The following EPHA4 variants were observed in gnomAD, a reference collection of about 807,000 sequenced individuals.
EPHA4 encodes the protein EPH receptor A4.
A neutral mutation model predicts 108.3 loss-of-function variants in EPHA4; 19 were observed. The observed-to-expected ratio is 0.18, with a 90% CI of 0.12 to 0.26. EPHA4 has a LOEUF of 0.26. EPHA4 is among the 10% of genes least tolerant of loss of function. The pLI is 1.00. For synonymous variants in EPHA4, 449 were observed against 455.5 expected (o/e 0.99, Z 0.18); for missense variants, 917 against 1,254.0 (o/e 0.73, Z 4.06).
chr2:221,523,137 T>TA (rs1289783831), intron 3 of EPHA4, among the ~76,000 whole-genome samples: 1 of 152,006 alleles, frequency 6.6e-6, no homozygotes, highest in Non-Finnish European at 1.5e-5. Flanking sequence ...CTTCCTCACT[T>TA]ACAAAAGAGA....
intron 6 of EPHA4, among the ~76,000 whole-genome samples, chr2:221,457,465 T>A (rs1394047528): frequency 5.9e-5 from 9 of 152,240 alleles, no homozygotes; most frequent in Non-Finnish European, 1.2e-4. Context: ...TTTCAACTGT[T>A]ATGAGTCACT....
intron 3 of EPHA4, among the ~76,000 whole-genome samples, chr2:221,561,428 A>C (rs1159645232): frequency 6.6e-6 from 1 of 152,276 alleles, no homozygotes; most frequent in Non-Finnish European, 1.5e-5. Flanking sequence ...TTAGCAGAAA[A>C]AAAAGCAAAA....
chr2:221,466,382 T>A (rs1691314674), intron 5 of EPHA4, among the ~76,000 whole-genome samples: 1 of 152,220 alleles, frequency 6.6e-6, no homozygotes, highest in Non-Finnish European at 1.5e-5. Context: ...GCAAATCAGA[T>A]GCCAGTAAAC....
At position 221,445,070 on chromosome 2, in the gene EPHA4, A is replaced by G. The variant is rs1387170220; in HGVS notation, c.1774+1053T>C. On this transcript the variant is annotated intron_variant, in intron 9 of 17. Coordinates refer to ENST00000281821, the MANE Select transcript of EPHA4 (RefSeq NM_004438.5). ...ACTGTGCCCGGCCAATCTTTCTTCT[A>G]TCTTTCTGCACTAATATGTGAGTGA... 2.0e-5 allele frequency among the ~76,000 whole-genome samples: 3 copies of G among 152,114 alleles called. No individual in the cohort carries two copies. The East Asian group carries it at 5.8e-4, about 29-fold the overall frequency.
intron 4 of EPHA4, among the ~76,000 whole-genome samples, chr2:221,483,197 G>A (rs777698874): frequency 2.6e-5 from 4 of 152,280 alleles, no homozygotes; most frequent in East Asian, 3.9e-4. Context: ...ACATGGCAGC[G>A]GAGGGTTAAG....
At chr2:221,560,397 G>A (rs769824884) in intron 3 of EPHA4, among the ~76,000 whole-genome samples, 2 of 151,942 alleles carry the variant, frequency 1.3e-5, no homozygotes, top group Non-Finnish European at 2.9e-5. Context: ...TCGTTCAAAG[G>A]AAGTTTCTCT....
At chr2:221,460,419 T>C (rs919503) in intron 5 of EPHA4, among the ~76,000 whole-genome samples, 29,003 of 152,162 alleles carry the variant, frequency 0.19, 3,459 homozygotes, top group Non-Finnish European at 0.26. Context: ...TCACAAAAAG[T>C]ATTGTGTTGT....
At chr2:221,557,296 A>C (rs1438561595) in intron 3 of EPHA4, among the ~76,000 whole-genome samples, 1 of 152,146 alleles carries the variant, frequency 6.6e-6, no homozygotes, top group African/African-American at 2.4e-5. Flanking sequence ...AACCAACCAA[A>C]CAAAAAACTC....
chr2:221,572,359 G>A, upstream of EPHA4: 1 of 952,604 alleles, frequency 1.0e-6, no homozygotes, highest in Non-Finnish European at 1.6e-6. Context: ...CCCGGCCGGT[G>A]ACGTGAGCCC....
At chr2:221,457,634 C>T (rs1345918393) in intron 6 of EPHA4, among the ~76,000 whole-genome samples, 1 of 152,020 alleles carries the variant, frequency 6.6e-6, no homozygotes, top group Non-Finnish European at 1.5e-5. Context: ...CATAATCATA[C>T]TTAATTGGGA....
intron 3 of EPHA4, among the ~76,000 whole-genome samples, chr2:221,526,691 A>G (rs2106179032): frequency 6.6e-6 from 1 of 151,992 alleles, no homozygotes; most frequent in Admixed American, 6.5e-5. Flanking sequence ...TACTAGAAAT[A>G]CAAAAATTAG....
intron 16 of EPHA4, 45 bp downstream of exon 16, chr2:221,426,419 T>C (rs1390143682): frequency 6.4e-7 from 1 of 1,555,828 alleles, no homozygotes; most frequent in Non-Finnish European, 8.6e-7. Flanking sequence ...GAAAATACTA[T>C]TAAATCTAGA....
chr2:221,525,348 ATAGT>A (rs1310026964), intron 3 of EPHA4, among the ~76,000 whole-genome samples: 1 of 152,192 alleles, frequency 6.6e-6, no homozygotes, highest in Non-Finnish European at 1.5e-5. Context: ...CGTGGTCTGG[ATAGT>A]AGAGCTGTGG....
chr2:221,485,036 C>T (rs900328310), intron 4 of EPHA4, among the ~76,000 whole-genome samples: 8 of 152,240 alleles, frequency 5.3e-5, no homozygotes, highest in Admixed American at 5.2e-4. Context: ...ATGGGTCAGT[C>T]ATTGGTTCTT....
chr2:221,490,022 T>C (rs1692093661), intron 4 of EPHA4, among the ~76,000 whole-genome samples: 1 of 151,820 alleles, frequency 6.6e-6, no homozygotes, highest in Admixed American at 6.6e-5. Flanking sequence ...GGCATGTTCC[T>C]GTAGTCCCAG....
intron 3 of EPHA4, among the ~76,000 whole-genome samples, chr2:221,512,103 G>A (rs1325812699): frequency 6.6e-6 from 1 of 152,070 alleles, no homozygotes; most frequent in South Asian, 2.1e-4. Flanking sequence ...ATAAATTCAA[G>A]TAGATTAAGC....
In EPHA4 at chr2:221,482,231, T is replaced by G. The variant is rs1222727741; in HGVS notation, c.1318+121A>C. 5 of 1,066,162 alleles carry G rather than the reference T, an allele frequency of 4.7e-6. No homozygotes were observed. In the East Asian group the frequency reaches 1.3e-4, roughly 28 times the overall value. The allele number at this position is 1,066,162 out of a possible 1,614,324, so 66.0% of individuals were successfully genotyped here. A position where few individuals can be genotyped will look rare whatever the true frequency, so the allele number is the denominator to read the frequency against. ...CAGCCCCTAAGTATCTTTTACATTA[T>G]AACGCAGCTCCCAGGCTTGATTGAT... On this transcript the variant is annotated intron_variant, in intron 5 of 17. Transcript: ENST00000281821.
intron 3 of EPHA4, among the ~76,000 whole-genome samples, chr2:221,550,677 G>A (rs952142105): frequency 2.0e-5 from 3 of 152,276 alleles, no homozygotes; most frequent in East Asian, 3.9e-4. Context: ...GTCACATAGT[G>A]AGTGGCAGAG....
intron 3 of EPHA4, among the ~76,000 whole-genome samples, chr2:221,562,453 T>C (rs1480401729): frequency 6.6e-6 from 1 of 152,226 alleles, no homozygotes; most frequent in African/African-American, 2.4e-5. Context: ...TCAAGTGGAT[T>C]GCCCCATAGT....
Sources: allele counts gnomAD v4.1 joint callset (sites outside exome capture counted in the v4.1 genomes callset), GRCh38; gene constraint gnomAD v4.1.1; transcripts MANE v1.5; gene names NCBI Gene and HGNC (gene_info 2026-07-23, HGNC 2026-07-21).